Variants in NKD1 observed in about 807,000 individuals in gnomAD.
NKD1 encodes protein naked cuticle homolog 1.
In NKD1, 21 loss-of-function variants were observed where a neutral mutation model predicts 56.0. The ratio of observed to expected loss-of-function variants is 0.38; its 90% confidence interval spans 0.27 to 0.54. NKD1 has a LOEUF of 0.54. Among genes scored for constraint, NKD1 ranks in the 20% least tolerant of loss-of-function variants. The probability of loss-of-function intolerance (pLI) is 0.82; values close to 1 mark genes in which losing one functional copy is unlikely to be tolerated. For synonymous variants in NKD1, 263 were observed against 265.7 expected (o/e 0.99, Z 0.10); for missense variants, 578 against 642.7 (o/e 0.90, Z 1.09).
rs1962636854 is a variant in NKD1, at chr16:50,644,341, T to G, written c.*10560T>G. 6.6e-6 allele frequency: 1 copy of G among 152,258 alleles called. No homozygotes were observed. Among genetic ancestry groups the G allele is most frequent in the South Asian group, 2.1e-4 (1 of 4,830 alleles). 9.4% of individuals were successfully genotyped at this position (152,258 alleles called of 1,614,324 possible). ...AGACAGGTGCTTGTTCAATGTCTGT[T>G]GAGCGACTGAAGGACAACACATTCC... On this transcript the variant is annotated 3_prime_UTR_variant, in exon 10 of 10. Coordinates refer to ENST00000268459, the MANE Select transcript of NKD1 (RefSeq NM_033119.5).
rs910212563 is a variant in NKD1 at position 50,644,761 on chromosome 16, T to G, written c.*10980T>G. 1.3e-5 allele frequency: 2 copies of G among 152,262 alleles called. No individual in the cohort carries two copies. The highest frequency in any genetic ancestry group is 2.9e-5 in the Non-Finnish European group (2 of 68,054). The allele number at this position is 152,262 out of a possible 1,614,324, so 9.4% of individuals were successfully genotyped here. On this transcript the variant is annotated 3_prime_UTR_variant, in exon 10 of 10. Transcript: ENST00000268459. ...TCTGTCCTCAAAAGGCAGCATCTGA[T>G]TGTGATTTGGTCCAGAAATTCCTGG...
chr16:50,601,980 C>T (rs563716081), intron 3 of NKD1, among the ~76,000 whole-genome samples: 1 of 152,322 alleles, frequency 6.6e-6, no homozygotes, highest in South Asian at 2.1e-4. Context: ...CAAAAGGCTG[C>T]CTGCCATGCC....
rs541331690 is a variant in NKD1, at chr16:50,633,229, C to G, written c.861C>G (p.Pro287=). Residue 287 remains proline (P), a synonymous_variant, in exon 10 of 10, where the codon CCC becomes CCG. Transcript: ENST00000268459. This position sits in a 1 kb window ranked among gnomAD's most constrained non-coding sequence, Gnocchi z 4.9. ...TGGCCCAGAAGTCAGAACTGCCCCCCCGCACCTCCAATCCCACTCGATCTC... is the reference window on the plus strand; with the variant it reads ...TGGCCCAGAAGTCAGAACTGCCCCCGCGCACCTCCAATCCCACTCGATCTC... The part of the protein sequence containing the change: ...PSVAQKSELP[P]RTSNPTRSRS... 2.5e-6 allele frequency: 4 copies of G among 1,612,600 alleles called. No homozygotes were observed. The East Asian group carries it at 6.7e-5, about 27-fold the overall frequency.
intron 3 of NKD1, among the ~76,000 whole-genome samples, chr16:50,550,379 A>C (rs951932085): frequency 6.9e-6 from 1 of 144,906 alleles, no homozygotes; most frequent in African/African-American, 2.6e-5. Context: ...TTTAACTTAG[A>C]GGGGGAATAG....
At position 50,634,048 on chromosome 16, in the gene NKD1, G is replaced by A. The variant is rs1179026634; in HGVS notation, c.*267G>A. ...TGTAATGGGCAGAGGCTCCCTCGGG[G>A]CTCGGGATCTGCAGCATCTATGTGG... On this transcript the variant is annotated 3_prime_UTR_variant, in exon 10 of 10. Transcript: ENST00000268459. 2 of 328,712 alleles carry A rather than the reference G, an allele frequency of 6.1e-6. No homozygotes were observed. The highest frequency in any genetic ancestry group is 1.1e-5 in the Non-Finnish European group (2 of 183,288). The allele number at this position is 328,712 out of a possible 1,614,324, so 20.4% of individuals were successfully genotyped here. A position where few individuals can be genotyped will look rare whatever the true frequency, so the allele number is the denominator to read the frequency against.
chr16:50,549,611 G>A (rs929547492), intron 3 of NKD1, 56 bp downstream of exon 3: 1 of 1,486,020 alleles, frequency 6.7e-7, no homozygotes, highest in East Asian at 2.5e-5. Flanking sequence ...TCAGAGATGG[G>A]TCCCCAAACC....
intron 3 of NKD1, chr16:50,562,174 C>A (rs1243171274): frequency 4.3e-6 from 1 of 232,610 alleles, no homozygotes; most frequent in Non-Finnish European, 7.0e-6. Flanking sequence ...CAAAGCCCAG[C>A]GAGTAAGGGC....
rs138066369 is a variant in NKD1 at position 50,630,294 on chromosome 16, G to C, written c.571G>C (p.Gly191Arg). Residue 191 changes from glycine to arginine, a missense_variant, in exon 7 of 10, where the codon GGC (glycine) becomes CGC (arginine). Physicochemically the swap from Gly to Arg is moderately radical, Grantham distance 125 (BLOSUM62 -2). Coordinates refer to ENST00000268459, the MANE Select transcript of NKD1 (RefSeq NM_033119.5). The part of the protein sequence containing the change: ...LRVKLTVAPD[G>R]SQSKRSVLVN... ...GGTAAAGCTCACCGTGGCCCCCGAT[G>C]GCAGCCAGAGCAAGAGGAGCGTCCT... 3.1e-5 allele frequency: 50 copies of C among 1,614,080 alleles called. No homozygotes were observed. The highest frequency in any genetic ancestry group is 4.0e-5 in the Non-Finnish European group (47 of 1,180,048).
At chr16:50,567,675 C>T (rs2151265777) in intron 3 of NKD1, among the ~76,000 whole-genome samples, 1 of 152,358 alleles carries the variant, frequency 6.6e-6, no homozygotes, top group East Asian at 1.9e-4. Context: ...CCGATCTCAA[C>T]TGAGTCCTTT....
intron 3 of NKD1, among the ~76,000 whole-genome samples, chr16:50,555,109 G>T (rs765682360): frequency 3.3e-5 from 5 of 152,180 alleles, no homozygotes; most frequent in Non-Finnish European, 7.4e-5. Context: ...GGCAGGATGG[G>T]CCGCTGAGGC....
chr16:50,558,583 A>G (rs1435292944), intron 3 of NKD1: 1 of 152,388 alleles, frequency 6.6e-6, no homozygotes, highest in Non-Finnish European at 1.5e-5. Context: ...TGTGGGAGGC[A>G]CAGGAAGGGT....
At chr16:50,622,190 G>A (rs993817118) in intron 5 of NKD1, among the ~76,000 whole-genome samples, 6 of 152,230 alleles carry the variant, frequency 3.9e-5, no homozygotes, top group East Asian at 1.9e-4. Context: ...ATGTGCCTCC[G>A]TGTGGCTCTG....
intron 3 of NKD1, among the ~76,000 whole-genome samples, chr16:50,567,363 AC>A (rs1240998203): frequency 1.3e-5 from 2 of 152,076 alleles, no homozygotes; most frequent in African/African-American, 2.4e-5. Context: ...CGAAAATAGC[AC>A]CTGGAAGGGG....
chr16:50,619,714 G>A lies in NKD1; in HGVS notation c.260-1888G>A, dbSNP rs189933049. ...ATCAGAGTTTGTTGGATCCACATAA[G>A]AATCCTCTGGGGAAGGGGTTGGTAG... is the stretch of plus-strand genomic sequence containing the variant. On this transcript the variant is annotated intron_variant, in intron 4 of 9. Transcript: ENST00000268459. Among the ~76,000 whole-genome samples, 4 of 152,322 alleles carry A rather than the reference G, an allele frequency of 2.6e-5. No homozygotes were observed. The East Asian group carries it at 5.8e-4, about 22-fold the overall frequency.
At chr16:50,551,578 G>C (rs1960385958) in intron 3 of NKD1, among the ~76,000 whole-genome samples, 6 of 152,202 alleles carry the variant, frequency 3.9e-5, no homozygotes, top group Admixed American at 3.9e-4. Context: ...CTTGGCCCCA[G>C]ATGGCCCAGC....
chr16:50,551,185 T>C (rs1960375682), intron 3 of NKD1, among the ~76,000 whole-genome samples: 1 of 149,070 alleles, frequency 6.7e-6, no homozygotes, highest in Admixed American at 6.6e-5. Flanking sequence ...AATAGTAGTG[T>C]TCCCAGCGAG....
chr16:50,577,469 T>G (rs2151268235), intron 3 of NKD1, among the ~76,000 whole-genome samples: 1 of 152,302 alleles, frequency 6.6e-6, no homozygotes, highest in African/African-American at 2.4e-5. Context: ...TGCCCAAGTT[T>G]CCTCCTGCCC....
At chr16:50,585,433 G>A (rs1961206767) in intron 3 of NKD1, among the ~76,000 whole-genome samples, 1 of 152,228 alleles carries the variant, frequency 6.6e-6, no homozygotes, top group African/African-American at 2.4e-5. Context: ...TTCGGGGCCT[G>A]AGTCTGAGAG....
chr16:50,643,711 C>A lies in NKD1; in HGVS notation c.*9930C>A, dbSNP rs542807848. 2.6e-5 allele frequency: 4 copies of A among 152,392 alleles called. No homozygotes were observed. The East Asian group carries it at 7.7e-4, about 29-fold the overall frequency. The allele number at this position is 152,392 out of a possible 1,614,324, so 9.4% of individuals were successfully genotyped here. A position where few individuals can be genotyped will look rare whatever the true frequency, so the allele number is the denominator to read the frequency against. On this transcript the variant is annotated 3_prime_UTR_variant, in exon 10 of 10. Transcript: ENST00000268459. ...GGTTCCTGCCAGCTTCTGGTCACAA[C>A]ATTTTCATTACCAATCAGTGCATAA... is the stretch of plus-strand genomic sequence containing the variant.
Sources: allele counts gnomAD v4.1 joint callset (sites outside exome capture counted in the v4.1 genomes callset), GRCh38; gene constraint gnomAD v4.1.1; non-coding constraint Gnocchi (gnomAD v3.1); transcripts MANE v1.5; gene names NCBI Gene and HGNC (gene_info 2026-07-23, HGNC 2026-07-21).